KATNIP: variants seen among roughly 807,000 people sequenced by gnomAD.
KATNIP encodes the protein katanin-interacting protein.
KATNIP carries 126 observed loss-of-function variants against 174.0 expected under a neutral mutation model. The ratio of observed to expected loss-of-function variants is 0.72; its 90% CI spans 0.63 to 0.84. The LOEUF (loss-of-function observed/expected upper bound fraction) is 0.84, where lower values mean the gene tolerates loss of function less well. Among genes scored for constraint, KATNIP ranks in the 40% least tolerant of loss-of-function variants. The probability of loss-of-function intolerance (pLI) is 0.00; values close to 1 mark genes in which losing one functional copy is unlikely to be tolerated. For synonymous variants in KATNIP, 810 were observed against 835.7 expected, an observed-to-expected ratio of 0.97 and a Z score of 0.53; for missense variants, 1,958 against 2,109.7, an observed-to-expected ratio of 0.93 and a Z score of 1.41.
At chr16:27,771,244 C>T (rs2082288314) in intron 21 of KATNIP, among the ~76,000 whole-genome samples, 1 of 152,192 alleles carries the variant, frequency 6.6e-6, no homozygotes, top group East Asian at 1.9e-4. Flanking sequence ...GCTGCATGGC[C>T]TTGAGCAAGT....
chr16:27,553,835 T>A, intron 1 of KATNIP, among the ~76,000 whole-genome samples: 1 of 151,766 alleles, frequency 6.6e-6, no homozygotes, highest in Non-Finnish European at 1.5e-5. Flanking sequence ...ACAGGTATAG[T>A]GGCTCGTGCC....
intron 12 of KATNIP, among the ~76,000 whole-genome samples, chr16:27,704,697 C>A (rs1031008349): frequency 6.6e-6 from 1 of 152,018 alleles, no homozygotes; most frequent in Non-Finnish European, 1.5e-5. Flanking sequence ...GCTATCATTA[C>A]GAGACGATGC....
At chr16:27,631,377 T>C (rs2076483717) in intron 5 of KATNIP, 3 of 499,456 alleles carry the variant, frequency 6.0e-6, no homozygotes, top group Non-Finnish European at 1.1e-5. Context: ...TCATCTCTAC[T>C]AAAAATAAAA....
intron 12 of KATNIP, among the ~76,000 whole-genome samples, chr16:27,707,026 C>T (rs1248316911): frequency 6.6e-6 from 1 of 152,186 alleles, no homozygotes; most frequent in Non-Finnish European, 1.5e-5. Flanking sequence ...AAAACAGGCC[C>T]TATCTTTTAT....
At chr16:27,665,767 A>C (rs1286640271) in intron 6 of KATNIP, among the ~76,000 whole-genome samples, 1 of 149,294 alleles carries the variant, frequency 6.7e-6, no homozygotes, top group East Asian at 2.0e-4. Context: ...CGCCCGGCTA[A>C]TTTTTGTATT....
intron 6 of KATNIP, among the ~76,000 whole-genome samples, chr16:27,649,192 A>G (rs2077050656): frequency 6.6e-6 from 1 of 152,246 alleles, no homozygotes; most frequent in South Asian, 2.1e-4. Flanking sequence ...GCACCTGATA[A>G]ATATTTCGAA....
chr16:27,761,426 T>C lies in KATNIP; in HGVS notation c.3645T>C (p.Asn1215=). 6.2e-7 allele frequency: 1 copy of C among 1,608,394 alleles called. No homozygotes were observed. The highest frequency in any genetic ancestry group is 8.5e-7 in the Non-Finnish European group (1 of 1,176,840). ...GIYHGICLQL[N]FTASWGDLHY... ...TTCCTGTTGCAGGCCTTCAGCTGAA[T>C]TTCACTGCCTCCTGGGGAGACTTGC... The change falls in exon 19 of 28, where the codon AAT becomes AAC. Residue 1215 remains asparagine, a synonymous_variant. Transcript: ENST00000261588.
chr16:27,768,790 G>A (rs986995103), intron 20 of KATNIP, among the ~76,000 whole-genome samples: 4 of 152,170 alleles, frequency 2.6e-5, no homozygotes, highest in Non-Finnish European at 4.4e-5. Flanking sequence ...CTGAAGGAAC[G>A]AGGGGCCCCA....
chr16:27,703,265 G>C (rs734652), intron 11 of KATNIP, among the ~76,000 whole-genome samples: 27,472 of 152,124 alleles, frequency 0.18, 2,798 homozygotes, highest in African/African-American at 0.28. Context: ...CCAAATGCTT[G>C]GTTCCTCGGC....
Position 27,776,832 on chromosome 16 carries a change from C to T in KATNIP, c.4450-96C>T. The T allele has an allele frequency of 1.2e-6, 1 of 846,484 alleles. No individual in the cohort carries two copies. The highest frequency in any genetic ancestry group is 2.0e-6 in the Non-Finnish European group (1 of 504,494). 52.4% of individuals were successfully genotyped at this position (846,484 alleles called of 1,614,324 possible). On this transcript the variant is annotated intron_variant, in intron 24 of 27. Transcript: ENST00000261588. The surrounding 1 kb of genome is among the most constrained non-coding windows in gnomAD (Gnocchi z 4.7). Reference sequence around the variant, plus strand: ...CACGTGGCAGGCGCTGCCTTGGGCACCACCGCTCACCCCAGCCCACGCCTG... The same window carrying T: ...CACGTGGCAGGCGCTGCCTTGGGCATCACCGCTCACCCCAGCCCACGCCTG...
chr16:27,573,444 C>G (rs149175043), intron 1 of KATNIP, among the ~76,000 whole-genome samples: 2 of 152,354 alleles, frequency 1.3e-5, no homozygotes, highest in East Asian at 3.9e-4. Flanking sequence ...GTGATTACCA[C>G]TAATTCACAT....
intron 2 of KATNIP, among the ~76,000 whole-genome samples, chr16:27,604,155 G>GT (rs1391751134): frequency 1.3e-5 from 2 of 152,076 alleles, no homozygotes; most frequent in Non-Finnish European, 2.9e-5. Flanking sequence ...CTGGAGTAGA[G>GT]TGGTGCAGTC....
chr16:27,588,174 G>T (rs973910562), intron 2 of KATNIP, among the ~76,000 whole-genome samples: 1 of 151,862 alleles, frequency 6.6e-6, no homozygotes, highest in Non-Finnish European at 1.5e-5. Context: ...TTACCGCTGG[G>T]AGCCACTGTG....
chr16:27,766,243 G>A, intron 19 of KATNIP, 66 bp from the exon 20 acceptor site: 3 of 1,568,206 alleles, frequency 1.9e-6, no homozygotes, highest in Non-Finnish European at 2.6e-6. Flanking sequence ...GGGGGTGGGG[G>A]CCCCACTGTG....
intron 13 of KATNIP, 102 bp from the exon 14 acceptor site, chr16:27,721,456 C>T (rs1234006836): frequency 2.1e-6 from 3 of 1,418,758 alleles, no homozygotes; most frequent in Non-Finnish European, 3.0e-6. Flanking sequence ...GAGCCCTCAC[C>T]AGGCCTCTCC....
In KATNIP at chr16:27,738,046, T is replaced by A. The variant is rs2080962164; in HGVS notation, c.1744-1995T>A. 2.6e-5 allele frequency among the ~76,000 whole-genome samples: 4 copies of A among 152,054 alleles called. No individual in the cohort carries two copies. The South Asian group carries it at 8.3e-4, about 32-fold the overall frequency. ...GACACTCAGAGATTCACTGACGGGG[T>A]GACGGACAGATCATGCGGGGGGCCC... On this transcript the variant is annotated intron_variant, in intron 14 of 27. Transcript: ENST00000261588.
intron 14 of KATNIP, among the ~76,000 whole-genome samples, chr16:27,739,389 CA>C (rs2081019449): frequency 6.6e-6 from 1 of 152,126 alleles, no homozygotes; most frequent in Non-Finnish European, 1.5e-5. Context: ...ACCAGTTGGC[CA>C]CAGCAGTGAC....
At chr16:27,678,286 G>A (rs2078197249) in intron 7 of KATNIP, among the ~76,000 whole-genome samples, 1 of 152,224 alleles carries the variant, frequency 6.6e-6, no homozygotes, top group Non-Finnish European at 1.5e-5. Context: ...ATACAGACTA[G>A]CTTAAGCTAA....
At chr16:27,589,121 G>A (rs561338181) in intron 2 of KATNIP, among the ~76,000 whole-genome samples, 1 of 151,240 alleles carries the variant, frequency 6.6e-6, no homozygotes, top group South Asian at 2.1e-4. Flanking sequence ...GGCCAGGCTG[G>A]TTTCAAACTC....
Sources: gnomAD v4.1 joint callset for allele counts (sites outside exome capture counted in the v4.1 genomes callset) on GRCh38, gnomAD v4.1.1 for gene constraint, Gnocchi (gnomAD v3.1) non-coding constraint, MANE v1.5 for transcripts, NCBI Gene and HGNC (gene_info 2026-07-23, HGNC 2026-07-21) for gene names.